Variants in CNTN5 observed in about 807,000 individuals in gnomAD.
CNTN5 encodes contactin-5.
A neutral mutation model predicts 129.1 loss-of-function variants in CNTN5; 77 were observed. The ratio of observed to expected loss-of-function variants is 0.60; its 90% CI spans 0.50 to 0.72. The LOEUF is 0.72. Ranked by LOEUF, CNTN5 falls within the 30% of genes least tolerant of loss-of-function variation. The pLI, the probability that CNTN5 is intolerant of heterozygous loss-of-function variation, is 0.00. For synonymous variants in CNTN5, 509 were observed against 465.6 expected (o/e 1.09, Z -1.20); for missense variants, 1,478 against 1,328.8 (o/e 1.11, Z -1.75).
chr11:100,322,667 A>G (rs1468715093), intron 21 of CNTN5, among the ~76,000 whole-genome samples: 1 of 152,156 alleles, frequency 6.6e-6, no homozygotes, highest in Non-Finnish European at 1.5e-5. Context: ...TATCTATTTT[A>G]CCATATTGAG....
At chr11:99,214,410 TA>T (rs1565409159) in intron 1 of CNTN5, among the ~76,000 whole-genome samples, 1 of 148,514 alleles carries the variant, frequency 6.7e-6, no homozygotes, top group African/African-American at 2.4e-5. Context: ...AATATATATA[TA>T]TATAATGTTC....
intron 1 of CNTN5, among the ~76,000 whole-genome samples, chr11:99,250,015 AT>A (rs1171414119): frequency 6.6e-6 from 1 of 151,938 alleles, no homozygotes; most frequent in Middle Eastern, 3.2e-3. Context: ...GCTTTAGGGA[AT>A]TTTGGGGTGA....
At chr11:99,405,049 C>T (rs1400434451) in intron 2 of CNTN5, among the ~76,000 whole-genome samples, 3 of 152,240 alleles carry the variant, frequency 2.0e-5, no homozygotes, top group East Asian at 3.9e-4. Flanking sequence ...ATGCCACTCT[C>T]TCCTAGCCTG....
intron 21 of CNTN5, among the ~76,000 whole-genome samples, chr11:100,329,247 C>T (rs1002870195): frequency 2.0e-5 from 3 of 152,128 alleles, no homozygotes; most frequent in Non-Finnish European, 4.4e-5. Context: ...GGGAACCACA[C>T]CCCCATTCTC....
At chr11:100,055,564 G>C (rs1295940424) in intron 9 of CNTN5, among the ~76,000 whole-genome samples, 1 of 141,908 alleles carries the variant, frequency 7.0e-6, no homozygotes, top group Non-Finnish European at 1.5e-5. Context: ...AAAATTATTA[G>C]TTTATAGGTG....
At chr11:100,251,218 G>T in intron 16 of CNTN5, among the ~76,000 whole-genome samples, 1 of 152,220 alleles carries the variant, frequency 6.6e-6, no homozygotes, top group South Asian at 2.1e-4. Context: ...TGACAGGCCA[G>T]GCAATTCTTG....
intron 7 of CNTN5, among the ~76,000 whole-genome samples, chr11:99,952,059 A>G (rs1347297283): frequency 6.6e-6 from 1 of 152,180 alleles, no homozygotes; most frequent in Non-Finnish European, 1.5e-5. Flanking sequence ...GACATGGCTA[A>G]TAGTGACTTT....
chr11:100,070,295 T>A (rs755953860), intron 10 of CNTN5, 129 bp from the exon 11 acceptor site: 11 of 892,426 alleles, frequency 1.2e-5, no homozygotes, highest in Non-Finnish European at 1.8e-5. Flanking sequence ...ATGCTGTGCT[T>A]CTTCAAAATA....
At chr11:99,519,082 G>C (rs752973229) in intron 2 of CNTN5, among the ~76,000 whole-genome samples, 9 of 152,064 alleles carry the variant, frequency 5.9e-5, no homozygotes, top group Admixed American at 1.3e-4. Context: ...TGGTCTACCA[G>C]TACCCCATCT....
chr11:99,199,547 T>C (rs1859064891), intron 1 of CNTN5, among the ~76,000 whole-genome samples: 1 of 152,216 alleles, frequency 6.6e-6, no homozygotes, highest in African/African-American at 2.4e-5. Context: ...TGATCTCATC[T>C]GGGCATGGCT....
chr11:100,026,680 C>T (rs1485339344), intron 9 of CNTN5, among the ~76,000 whole-genome samples: 3 of 152,034 alleles, frequency 2.0e-5, no homozygotes, highest in Non-Finnish European at 2.9e-5. Flanking sequence ...TGTGTATATT[C>T]TTTACTGAGG....
intron 1 of CNTN5, among the ~76,000 whole-genome samples, chr11:99,079,769 A>G (rs1865717684): frequency 1.3e-5 from 2 of 152,254 alleles, no homozygotes; most frequent in South Asian, 4.1e-4. Context: ...TTCTGACTAT[A>G]AAGCCCTTAA....
intron 20 of CNTN5, among the ~76,000 whole-genome samples, chr11:100,301,835 T>A (rs1951227376): frequency 6.6e-6 from 1 of 151,630 alleles, no homozygotes; most frequent in South Asian, 2.1e-4. Flanking sequence ...TGGAATCCTA[T>A]ACAAATCTAA....
chr11:99,222,130 G>T (rs777534147), intron 1 of CNTN5, among the ~76,000 whole-genome samples: 6 of 151,740 alleles, frequency 4.0e-5, no homozygotes, highest in Non-Finnish European at 7.4e-5. Context: ...CTATTGCTTG[G>T]TTTTTTATGT....
intron 2 of CNTN5, among the ~76,000 whole-genome samples, chr11:99,473,689 G>C (rs1945262995): frequency 1.3e-5 from 2 of 151,762 alleles, no homozygotes; most frequent in South Asian, 2.1e-4. Context: ...CTTTGACTTA[G>C]AGACTCTATA....
At chr11:99,923,133 TAAAAGC>T (rs970997107) in intron 7 of CNTN5, among the ~76,000 whole-genome samples, 1 of 152,184 alleles carries the variant, frequency 6.6e-6, no homozygotes, top group Non-Finnish European at 1.5e-5. Flanking sequence ...TTTCTTCAAA[TAAAAGC>T]AAAAGCTTGA....
intron 3 of CNTN5, among the ~76,000 whole-genome samples, chr11:99,630,983 T>G (rs556758129): frequency 6.6e-6 from 1 of 152,286 alleles, no homozygotes; most frequent in East Asian, 1.9e-4. Context: ...GGCGTTTATT[T>G]TTCACATCAT....
intron 3 of CNTN5, among the ~76,000 whole-genome samples, chr11:99,673,813 G>A (rs1041734584): frequency 2.0e-5 from 3 of 151,862 alleles, no homozygotes; most frequent in Non-Finnish European, 2.9e-5. Flanking sequence ...AGCATTCCAT[G>A]TTGTATATGC....
intron 1 of CNTN5, among the ~76,000 whole-genome samples, chr11:99,168,434 G>T (rs12286038): frequency 2.0e-5 from 3 of 151,888 alleles, no homozygotes; most frequent in Non-Finnish European, 2.9e-5. Flanking sequence ...AAAAATATTA[G>T]CCAGGTATGG....
Sources: gnomAD v4.1 joint callset for allele counts (sites outside exome capture counted in the v4.1 genomes callset) on GRCh38, gnomAD v4.1.1 for gene constraint, MANE v1.5 for transcripts, NCBI Gene and HGNC (gene_info 2026-07-23, HGNC 2026-07-21) for gene names.